Variants in STOX2 observed in about 807,000 individuals in gnomAD.
STOX2 encodes storkhead box 2.
A neutral mutation model predicts 60.9 loss-of-function variants in STOX2; 28 were observed. The observed-to-expected ratio is 0.46, with a 90% CI of 0.34 to 0.63. STOX2 has a LOEUF of 0.63. STOX2 is among the 30% of genes least tolerant of loss of function. STOX2 has a pLI of 0.01. For missense variants in STOX2, 1,024 were observed against 1,187.7 expected (o/e 0.86, Z 2.03); for synonymous variants, 472 against 463.9 (o/e 1.02, Z -0.22).
At chr4:183,901,399 T>G (rs1741456011), upstream of STOX2, among the ~76,000 whole-genome samples, 1 of 152,142 alleles carries the variant, frequency 6.6e-6, no homozygotes, top group Non-Finnish European at 1.5e-5. Context: ...TCTCTTCGAG[T>G]CCCTGCTTTC....
At chr4:183,951,194 G>A (rs1014878345) in intron 1 of STOX2, among the ~76,000 whole-genome samples, 30 of 145,400 alleles carry the variant, frequency 2.1e-4, no homozygotes, top group African/African-American at 2.1e-4. Flanking sequence ...CAGCCTGGGC[G>A]ACAGAGCGAG....
intron 1 of STOX2, among the ~76,000 whole-genome samples, chr4:183,918,139 A>T (rs1203088899): frequency 6.6e-6 from 1 of 152,222 alleles, no homozygotes; most frequent in Non-Finnish European, 1.5e-5. Flanking sequence ...AGTGCTACAT[A>T]GAGTTAAAAG....
intron 1 of STOX2, among the ~76,000 whole-genome samples, chr4:183,892,317 C>T (rs181461700): frequency 1.6e-4 from 25 of 152,312 alleles, no homozygotes; most frequent in Admixed American, 4.6e-4. Context: ...CTCGCTCTGT[C>T]GCCCAGGCTG....
rs958482935 is a variant in STOX2, at chr4:183,990,499, A to G, written c.167-10826A>G. The stretch of plus-strand genomic sequence containing the variant: ...AGATTTATGCTTTTTTCTGCTGTCT[A>G]CATCTCCTAGCAGTTCCCTACACAT... On this transcript the variant is annotated intron_variant, in intron 1 of 3. Transcript: ENST00000308497. 4.7e-5 allele frequency among the ~76,000 whole-genome samples: 7 copies of G among 149,608 alleles called. No individual in the cohort carries two copies. In the East Asian group the frequency reaches 6.0e-4, roughly 13 times the overall value.
intron 1 of STOX2, among the ~76,000 whole-genome samples, chr4:183,848,771 A>G (rs893373893): frequency 2.0e-5 from 3 of 152,232 alleles, no homozygotes; most frequent in Non-Finnish European, 4.4e-5. Flanking sequence ...TTAGAAATAC[A>G]AAACTTACAG....
intron 1 of STOX2, among the ~76,000 whole-genome samples, chr4:183,877,573 T>C (rs764241487): frequency 3.9e-5 from 6 of 152,188 alleles, no homozygotes; most frequent in Non-Finnish European, 8.8e-5. Context: ...CTCTGCACAG[T>C]GGAGTGGGAC....
chr4:183,986,784 G>C (rs1186441387), intron 1 of STOX2, among the ~76,000 whole-genome samples: 1 of 152,254 alleles, frequency 6.6e-6, no homozygotes, highest in African/African-American at 2.4e-5. Context: ...GCCTTTGCCA[G>C]AGCCTGAGCT....
intron 1 of STOX2, among the ~76,000 whole-genome samples, chr4:183,989,067 T>TAA (rs1462963852): frequency 6.6e-6 from 1 of 151,842 alleles, no homozygotes; most frequent in Non-Finnish European, 1.5e-5. Flanking sequence ...GATTTGCCAA[T>TAA]AGGAAATAAT....
At chr4:183,956,107 TA>T (rs2111154428) in intron 1 of STOX2, among the ~76,000 whole-genome samples, 1 of 152,192 alleles carries the variant, frequency 6.6e-6, no homozygotes, top group Admixed American at 6.5e-5. Flanking sequence ...GGTTGAGAGG[TA>T]ACTGTATTAG....
chr4:184,014,066 T>A (rs1456420852), intron 3 of STOX2: 3 of 147,896 alleles, frequency 2.0e-5, no homozygotes, highest in East Asian at 3.9e-4. Context: ...GGCCATTTAT[T>A]AAAATCTTTC....
At chr4:183,862,058 C>T (rs2111155224) in intron 1 of STOX2, among the ~76,000 whole-genome samples, 1 of 152,340 alleles carries the variant, frequency 6.6e-6, no homozygotes, top group Non-Finnish European at 1.5e-5. Context: ...ATCCCAGGCT[C>T]TAGACCACAC....
In STOX2 at chr4:183,931,151, C is replaced by T. The variant is rs556477668; in HGVS notation, c.166+24195C>T. On this transcript the variant is annotated intron_variant, in intron 1 of 3. Transcript: ENST00000308497. ...TAATTATGGAGCTACTGGTTGGGCA[C>T]GGTGGCTCACACCTGTAATCCCAGC... 2.6e-5 allele frequency among the ~76,000 whole-genome samples: 4 copies of T among 152,176 alleles called. No homozygotes were observed. In the South Asian group the frequency reaches 8.3e-4, roughly 32 times the overall value.
chr4:183,986,141 A>G (rs920148095), intron 1 of STOX2, among the ~76,000 whole-genome samples: 7 of 152,240 alleles, frequency 4.6e-5, no homozygotes, highest in Non-Finnish European at 8.8e-5. Context: ...AAAGAAAAAA[A>G]AAACAAATAC....
Position 183,856,894 on chromosome 4 carries a change from G to A in STOX2, c.364+58839G>A, listed in dbSNP as rs1740298537. 6.6e-6 allele frequency among the ~76,000 whole-genome samples: 1 copy of A among 152,186 alleles called. No individual in the cohort carries two copies. Among genetic ancestry groups the A allele is most frequent in the African/African-American group, 2.4e-5 (1 of 41,440 alleles). Reference sequence around the variant, plus strand: ...TCTTATTGAGAATTTACTTTGGAAAGTCCTGGAGATTTGGTCTGTGGCATC... The same window carrying A: ...TCTTATTGAGAATTTACTTTGGAAAATCCTGGAGATTTGGTCTGTGGCATC... On this transcript the variant is annotated intron_variant, in intron 1 of 2. Transcript: ENST00000513034. This position sits in a 1 kb window ranked among gnomAD's most constrained non-coding sequence, Gnocchi z 4.0.
intron 1 of STOX2, among the ~76,000 whole-genome samples, chr4:183,915,702 G>C (rs950974640): frequency 6.6e-6 from 1 of 152,202 alleles, no homozygotes; most frequent in Non-Finnish European, 1.5e-5. Context: ...ACCATGTGAC[G>C]AGAGAGGCAG....
At chr4:183,841,822 A>G (rs1739870113) in intron 1 of STOX2, among the ~76,000 whole-genome samples, 1 of 152,348 alleles carries the variant, frequency 6.6e-6, no homozygotes. Context: ...TAATCAAGAT[A>G]TTGGAAAATA....
intron 1 of STOX2, among the ~76,000 whole-genome samples, chr4:183,915,305 A>C (rs1741899010): frequency 6.6e-6 from 1 of 152,178 alleles, no homozygotes; most frequent in Admixed American, 6.5e-5. Context: ...TGGTTCCCCT[A>C]AGAGAGCTAA....
intron 1 of STOX2, among the ~76,000 whole-genome samples, chr4:183,864,894 G>A (rs1740528886): frequency 6.6e-6 from 1 of 152,056 alleles, no homozygotes. Context: ...AAAAACTTCA[G>A]GTTTCTCTAC....
intron 1 of STOX2, among the ~76,000 whole-genome samples, chr4:183,946,700 A>G (rs1742902503): frequency 6.8e-6 from 1 of 146,626 alleles, no homozygotes; most frequent in South Asian, 2.2e-4. Flanking sequence ...ATCTCAACTC[A>G]CTGCAACCTC....
Sources: allele counts gnomAD v4.1 joint callset (sites outside exome capture counted in the v4.1 genomes callset), GRCh38; gene constraint gnomAD v4.1.1; non-coding constraint Gnocchi (gnomAD v3.1); transcripts MANE v1.5; gene names NCBI Gene and HGNC (gene_info 2026-07-23, HGNC 2026-07-21).